HPGD: variants seen among roughly 807,000 people sequenced by gnomAD.
HPGD encodes the protein 15-hydroxyprostaglandin dehydrogenase [NAD(+)].
HPGD carries 29 observed loss-of-function variants against 30.0 expected under a neutral mutation model. That is an observed-to-expected ratio of 0.97 (90% CI 0.72 to 1.32). HPGD has a LOEUF of 1.32. HPGD is among the 40% of genes most tolerant of loss of function. The pLI is 0.00. For synonymous variants in HPGD, 99 were observed against 112.4 expected (o/e 0.88, Z 0.75); for missense variants, 340 against 322.1 (o/e 1.06, Z -0.43).
intron 3 of HPGD, among the ~76,000 whole-genome samples, chr4:174,512,197 A>G (rs1735541840): frequency 6.6e-6 from 1 of 152,158 alleles, no homozygotes; most frequent in Admixed American, 6.5e-5. Flanking sequence ...ATAGAAGTGA[A>G]TACTCTCATG....
At position 174,510,997 on chromosome 4, in the gene HPGD, A is replaced by G. The variant is rs45620344; in HGVS notation, c.325-2205T>C. ...AAGTGTAATTTATTGAATAAATTCTATGCAGTGGCACTGTGCTGGATATTC... is the reference window on the plus strand; with the variant it reads ...AAGTGTAATTTATTGAATAAATTCTGTGCAGTGGCACTGTGCTGGATATTC... On this transcript the variant is annotated intron_variant, in intron 3 of 6. Coordinates refer to ENST00000296522, the MANE Select transcript of HPGD (RefSeq NM_000860.6). 7.8e-3 allele frequency among the ~76,000 whole-genome samples: 1,192 copies of G among 152,292 alleles called. 15 individuals are homozygous for G. Among genetic ancestry groups the G allele is most frequent in the African/African-American group, 0.027 (1,137 of 41,564 alleles).
At chr4:174,498,149 A>G (rs537485741) in intron 4 of HPGD, among the ~76,000 whole-genome samples, 72 of 150,024 alleles carry the variant, frequency 4.8e-4, no homozygotes, top group African/African-American at 1.7e-3. Context: ...GGATTTCACC[A>G]TGTTGCCTAG....
At chr4:174,519,860 C>T (rs923566735) in intron 2 of HPGD, among the ~76,000 whole-genome samples, 1 of 152,186 alleles carries the variant, frequency 6.6e-6, no homozygotes, top group Non-Finnish European at 1.5e-5. Flanking sequence ...GTTTGGTGGT[C>T]TCTTCACACA....
rs143499110 is a variant in HPGD, at chr4:174,515,120, C to T, written c.324+2851G>A. ...AGCAATTTACAGATTCAATGCTATT[C>T]CTATCAAACTACCATCATCATTTCC... is the stretch of plus-strand genomic sequence containing the variant. On this transcript the variant is annotated intron_variant, in intron 3 of 6. Coordinates refer to ENST00000296522, the MANE Select transcript of HPGD (RefSeq NM_000860.6). Among the ~76,000 whole-genome samples, 1,283 of 152,136 alleles carry T rather than the reference C, an allele frequency of 8.4e-3. 11 individuals carry two copies. Among genetic ancestry groups the T allele is most frequent in the South Asian group, 0.021 (102 of 4,812 alleles).
At position 174,493,197 on chromosome 4, in the gene HPGD, A is replaced by G. The variant is rs769352550; in HGVS notation, c.616T>C (p.Tyr206His). ...KEENMGQYIE[Y>H]KDHIKDMIKY... ...ATCATATCCTTGATATGATCCTTAT[A>G]TTCTATATATTGTCCCATGTTTTCT... The change falls in exon 6 of 7, where the codon TAT becomes CAT. Residue 206 changes from tyrosine (Y) to histidine (H), a missense_variant. Physicochemically the swap from Tyr to His is moderately conservative, Grantham distance 83 (BLOSUM62 2). Transcript: ENST00000296522. 1 of 1,601,948 alleles carries G rather than the reference A, an allele frequency of 6.2e-7. No homozygotes were observed. The highest frequency in any genetic ancestry group is 1.7e-5 in the Admixed American group (1 of 59,782).
intron 3 of HPGD, among the ~76,000 whole-genome samples, chr4:174,509,696 G>A (rs919436700): frequency 3.3e-5 from 5 of 152,178 alleles, no homozygotes; most frequent in African/African-American, 1.2e-4. Flanking sequence ...TGACCTGTAA[G>A]ATCAAGCAAT....
At chr4:174,521,520 G>A (rs1016664945) in intron 2 of HPGD, among the ~76,000 whole-genome samples, 4 of 152,192 alleles carry the variant, frequency 2.6e-5, no homozygotes, top group Non-Finnish European at 5.9e-5. Flanking sequence ...ATTCTGATAT[G>A]TTTAAACGAA....
chr4:174,520,172 T>C (rs912566005), intron 2 of HPGD, among the ~76,000 whole-genome samples: 3 of 152,158 alleles, frequency 2.0e-5, no homozygotes, highest in East Asian at 3.9e-4. Context: ...CATTCTGTTC[T>C]CCACCGTATT....
chr4:174,518,207 A>C (rs1735895587), intron 2 of HPGD, 130 bp from the exon 3 acceptor site: 1 of 574,458 alleles, frequency 1.7e-6, no homozygotes, highest in Non-Finnish European at 3.1e-6. Flanking sequence ...TCATGGGCTG[A>C]GTGTAATTAA....
upstream of HPGD, chr4:174,522,701 C>A: frequency 2.3e-6 from 1 of 440,640 alleles, no homozygotes; most frequent in Non-Finnish European, 4.0e-6. Flanking sequence ...AAAGCCTCCC[C>A]TCAGCCTCTG....
chr4:174,491,886 T>C lies in HPGD; in HGVS notation c.*70A>G. 2.3e-6 allele frequency: 3 copies of C among 1,333,302 alleles called. No homozygotes were observed. In the South Asian group the frequency reaches 3.5e-5, roughly 16 times the overall value. The allele number at this position is 1,333,302 out of a possible 1,614,324, so 82.6% of individuals were successfully genotyped here. A position where few individuals can be genotyped will look rare whatever the true frequency, so the allele number is the denominator to read the frequency against. On this transcript the variant is annotated 3_prime_UTR_variant, in exon 7 of 7. Coordinates refer to ENST00000296522, the MANE Select transcript of HPGD (RefSeq NM_000860.6). Reference sequence around the variant, plus strand: ...GTAACATTTCATTTAAAAGCTATATTCAAATGAAGATAGGATCTGAATATA... The same window carrying C: ...GTAACATTTCATTTAAAAGCTATATCCAAATGAAGATAGGATCTGAATATA...
At position 174,493,042 on chromosome 4, in the gene HPGD, G is replaced by C. The variant is rs183132153; in HGVS notation, c.662+109C>G. On this transcript the variant is annotated intron_variant, in intron 6 of 6. Coordinates refer to ENST00000296522, the MANE Select transcript of HPGD (RefSeq NM_000860.6). ...GAGTTTGCCAAACCAAAAGTTTGAA[G>C]CTTGTGTTCATTTCTCAACTGTATA... The C allele has an allele frequency of 7.5e-4, 776 of 1,041,202 alleles. 9 individuals carry two copies. The highest frequency in any genetic ancestry group is 3.2e-4 in the Middle Eastern group (1 of 3,112). 64.5% of individuals were successfully genotyped at this position (1,041,202 alleles called of 1,614,324 possible). A position where few individuals can be genotyped will look rare whatever the true frequency, so the allele number is the denominator to read the frequency against.
chr4:174,516,322 T>C (rs895650344), intron 3 of HPGD, among the ~76,000 whole-genome samples: 2 of 151,762 alleles, frequency 1.3e-5, no homozygotes, highest in African/African-American at 4.8e-5. Context: ...AAAAAGGAAA[T>C]CATGTTGGTT....
At chr4:174,502,218 C>A (rs1349077612) in intron 4 of HPGD, among the ~76,000 whole-genome samples, 1 of 152,174 alleles carries the variant, frequency 6.6e-6, no homozygotes, top group Admixed American at 6.5e-5. Flanking sequence ...GGAGAACTAG[C>A]AAGAAATATT....
intron 5 of HPGD, 27 bp downstream of exon 5, chr4:174,495,520 TG>T: frequency 6.7e-7 from 1 of 1,495,624 alleles, no homozygotes; most frequent in Non-Finnish European, 9.3e-7. Context: ...AAAGAGAAAA[TG>T]AGATATGACG....
At chr4:174,517,944 A>G in intron 3 of HPGD, 27 bp downstream of exon 3, 2 of 1,145,086 alleles carry the variant, frequency 1.7e-6, no homozygotes, top group Non-Finnish European at 2.6e-6. Flanking sequence ...ATAATTATAG[A>G]CAAGAAATAT....
intron 2 of HPGD, among the ~76,000 whole-genome samples, chr4:174,518,935 T>C (rs1735934594): frequency 6.6e-6 from 1 of 152,154 alleles, no homozygotes; most frequent in African/African-American, 2.4e-5. Context: ...TTGTGGTTGT[T>C]TTTCTACATG....
At chr4:174,522,255 A>G in intron 1 of HPGD, 104 bp downstream of exon 1, 1 of 1,371,210 alleles carries the variant, frequency 7.3e-7, no homozygotes, top group African/African-American at 1.4e-5. Flanking sequence ...CAAAGTGGGC[A>G]CGCCGGGCGC....
chr4:174,522,355 T>A lies in HPGD; in HGVS notation c.93+4A>T. On this transcript the variant is annotated splice_donor_region_variant and intron_variant, in intron 1 of 6. Transcript: ENST00000296522. Reference sequence around the variant, plus strand: ...AAATTTCCGCGGCTGGGCGCCGGGCTTACCTTGGCGCCCTTAAGCAGCAGC... The same window carrying A: ...AAATTTCCGCGGCTGGGCGCCGGGCATACCTTGGCGCCCTTAAGCAGCAGC... The A allele has an allele frequency of 1.3e-6, 2 of 1,558,982 alleles. No homozygotes were observed. Among genetic ancestry groups the A allele is most frequent in the South Asian group, 2.3e-5 (2 of 85,194 alleles).
Sources: gnomAD v4.1 joint callset for allele counts (sites outside exome capture counted in the v4.1 genomes callset) on GRCh38, gnomAD v4.1.1 for gene constraint, MANE v1.5 for transcripts, NCBI Gene and HGNC (gene_info 2026-07-23, HGNC 2026-07-21) for gene names.